Variants in ZMAT3 observed in about 807,000 individuals in gnomAD.
ZMAT3 encodes zinc finger matrin-type 3, also known as zinc finger matrin-type protein 3.
A neutral mutation model predicts 32.3 loss-of-function variants in ZMAT3; 17 were observed. The observed-to-expected ratio is 0.53, with a 90% CI of 0.36 to 0.79. The LOEUF is 0.79. ZMAT3 is among the 30% of genes least tolerant of loss of function. The pLI is 0.00. For synonymous variants in ZMAT3, 120 were observed against 133.1 expected (o/e 0.90, Z 0.68); for missense variants, 329 against 359.7 (o/e 0.91, Z 0.69).
chr3:179,022,631 A>AAATAAT lies in ZMAT3; in HGVS notation c.*2380_*2385dup, dbSNP rs932657005. ...AACTCTACTTTATAGATTACTGAAA[A>AAATAAT]AATAATAATAATAATAATAATAAAA... On this transcript the variant is annotated 3_prime_UTR_variant, in exon 6 of 6. Transcript: ENST00000311417. 4 of 150,228 alleles carry AAATAAT rather than the reference A, an allele frequency of 2.7e-5. No individual in the cohort carries two copies. The highest frequency in any genetic ancestry group is 4.4e-5 in the Non-Finnish European group (3 of 67,618). 9.3% of individuals were successfully genotyped at this position (150,228 alleles called of 1,614,324 possible). A position where few individuals can be genotyped will look rare whatever the true frequency, so the allele number is the denominator to read the frequency against.
chr3:179,066,133 T>A (rs1170313194), intron 2 of ZMAT3, among the ~76,000 whole-genome samples: 1 of 152,126 alleles, frequency 6.6e-6, no homozygotes, highest in Admixed American at 6.5e-5. Flanking sequence ...GCTAACAGAC[T>A]CTGCTTGAAT....
intron 2 of ZMAT3, among the ~76,000 whole-genome samples, chr3:179,039,030 G>A (rs1402399056): frequency 6.6e-6 from 1 of 152,234 alleles, no homozygotes; most frequent in African/African-American, 2.4e-5. Flanking sequence ...CATTGCTGAG[G>A]CTTGAGTAGG....
chr3:179,030,325 G>C (rs376733703), intron 3 of ZMAT3, among the ~76,000 whole-genome samples: 4 of 150,874 alleles, frequency 2.7e-5, no homozygotes, highest in South Asian at 4.2e-4. Context: ...GGTTAGCCTA[G>C]ACATTCAGGA....
chr3:179,065,240 A>C (rs1278986124), intron 2 of ZMAT3, among the ~76,000 whole-genome samples: 2 of 151,980 alleles, frequency 1.3e-5, no homozygotes, highest in Non-Finnish European at 2.9e-5. Context: ...TTCTCCTTCA[A>C]CCTTTCCACT....
At chr3:179,065,381 GT>G (rs1263272172) in intron 2 of ZMAT3, among the ~76,000 whole-genome samples, 2 of 151,930 alleles carry the variant, frequency 1.3e-5, no homozygotes, top group African/African-American at 4.8e-5. Flanking sequence ...CAACTACATA[GT>G]TTAGAACATA....
At chr3:179,058,141 G>GTATC (rs2108579026) in intron 2 of ZMAT3, among the ~76,000 whole-genome samples, 1 of 152,308 alleles carries the variant, frequency 6.6e-6, no homozygotes, top group South Asian at 2.1e-4. Flanking sequence ...AGCAGTCTTA[G>GTATC]TATCTGAAGC....
intron 2 of ZMAT3, among the ~76,000 whole-genome samples, chr3:179,041,451 T>C (rs1484776187): frequency 6.6e-6 from 1 of 152,142 alleles, no homozygotes; most frequent in Non-Finnish European, 1.5e-5. Flanking sequence ...CACAACTACA[T>C]GGAAACTGAA....
intron 2 of ZMAT3, among the ~76,000 whole-genome samples, chr3:179,061,062 GA>G (rs11364006): frequency 0.8 from 120,317 of 150,660 alleles, 48,150 homozygotes; most frequent in East Asian, 0.94. Context: ...TTTATTTCAA[GA>G]AAAAAAAAAA....
Position 179,020,342 on chromosome 3 carries a change from G to A in ZMAT3, c.*4675C>T, listed in dbSNP as rs1043086140. On this transcript the variant is annotated 3_prime_UTR_variant, in exon 6 of 6. Transcript: ENST00000311417. ...AGAAAAAGTCAAACAGCTATCAGTA[G>A]AAGCGTTTTATGAGAAGCTATTTAC... 1 of 152,320 alleles carries A rather than the reference G, an allele frequency of 6.6e-6. No homozygotes were observed. Among genetic ancestry groups the A allele is most frequent in the African/African-American group, 2.4e-5 (1 of 41,570 alleles). 9.4% of individuals were successfully genotyped at this position (152,320 alleles called of 1,614,324 possible). A position where few individuals can be genotyped will look rare whatever the true frequency, so the allele number is the denominator to read the frequency against.
At chr3:179,066,739 G>A (rs940971537) in intron 2 of ZMAT3, among the ~76,000 whole-genome samples, 15 of 152,132 alleles carry the variant, frequency 9.9e-5, no homozygotes, top group African/African-American at 1.4e-4. Context: ...ATATTGTACC[G>A]TCTCTTGCTA....
chr3:179,069,510 T>G (rs1721601687), intron 1 of ZMAT3, among the ~76,000 whole-genome samples: 1 of 152,182 alleles, frequency 6.6e-6, no homozygotes, highest in Non-Finnish European at 1.5e-5. Context: ...GTCAATAGAA[T>G]ATGGCTATTT....
At chr3:179,061,507 A>G (rs1382576357) in intron 2 of ZMAT3, among the ~76,000 whole-genome samples, 2 of 152,216 alleles carry the variant, frequency 1.3e-5, no homozygotes, top group African/African-American at 4.8e-5. Context: ...AAGATAAATG[A>G]AATGGGTTGT....
chr3:179,022,559 T>A lies in ZMAT3; in HGVS notation c.*2458A>T, dbSNP rs544465317. 1 of 150,790 alleles carries A rather than the reference T, an allele frequency of 6.6e-6. No individual in the cohort carries two copies. The highest frequency in any genetic ancestry group is 6.6e-5 in the Admixed American group (1 of 15,098). The allele number at this position is 150,790 out of a possible 1,614,324, so 9.3% of individuals were successfully genotyped here. ...AAATTATATTTAGCAGCAAAATGAATAACCTACTGGCCAATAAGAAAAGCC... is the reference window on the plus strand; with the variant it reads ...AAATTATATTTAGCAGCAAAATGAAAAACCTACTGGCCAATAAGAAAAGCC... On this transcript the variant is annotated 3_prime_UTR_variant, in exon 6 of 6. Coordinates refer to ENST00000311417, the MANE Select transcript of ZMAT3 (RefSeq NM_022470.4).
intron 2 of ZMAT3, among the ~76,000 whole-genome samples, chr3:179,056,357 G>C (rs1720845101): frequency 1.3e-5 from 2 of 152,082 alleles, no homozygotes; most frequent in Admixed American, 6.6e-5. Flanking sequence ...TTTAGTCATG[G>C]CCCTCAGGCA....
chr3:179,051,986 C>T (rs1327907734), intron 2 of ZMAT3, among the ~76,000 whole-genome samples: 1 of 152,072 alleles, frequency 6.6e-6, no homozygotes, highest in Admixed American at 6.6e-5. Flanking sequence ...CGTAGAATAA[C>T]GAAACTGGAT....
chr3:179,071,115 G>A (rs1721688297), intron 1 of ZMAT3, among the ~76,000 whole-genome samples: 1 of 152,198 alleles, frequency 6.6e-6, no homozygotes, highest in Non-Finnish European at 1.5e-5. Context: ...TTGAGGCAAG[G>A]TGTATCCTAT....
intron 2 of ZMAT3, among the ~76,000 whole-genome samples, chr3:179,056,105 A>G (rs1008161134): frequency 6.6e-6 from 1 of 152,214 alleles, no homozygotes; most frequent in Non-Finnish European, 1.5e-5. Context: ...AGACTAAGGG[A>G]GGCATTGAGG....
At chr3:179,053,134 AT>A (rs1318979555) in intron 2 of ZMAT3, among the ~76,000 whole-genome samples, 12 of 152,008 alleles carry the variant, frequency 7.9e-5, no homozygotes, top group African/African-American at 2.9e-4. Context: ...TCTCAAAAAA[AT>A]AAAATAAAAT....
intron 2 of ZMAT3, among the ~76,000 whole-genome samples, chr3:179,057,278 C>T (rs568029446): frequency 1.3e-5 from 2 of 152,316 alleles, no homozygotes; most frequent in East Asian, 1.9e-4. Context: ...CCAGCTGTAC[C>T]TAACCCTTAT....
Sources: gnomAD v4.1 joint callset for allele counts (sites outside exome capture counted in the v4.1 genomes callset) on GRCh38, gnomAD v4.1.1 for gene constraint, MANE v1.5 for transcripts, NCBI Gene and HGNC (gene_info 2026-07-23, HGNC 2026-07-21) for gene names.